GRID1: variants seen among roughly 807,000 people sequenced by gnomAD.
GRID1 encodes glutamate receptor ionotropic, delta-1.
GRID1 carries 28 observed loss-of-function variants against 98.0 expected under a neutral mutation model. That is an observed-to-expected ratio of 0.29 (90% CI 0.21 to 0.39). The LOEUF (loss-of-function observed/expected upper bound fraction) is 0.39. Ranked by LOEUF, GRID1 falls within the 10% of genes least tolerant of loss-of-function variation. The probability of loss-of-function intolerance (pLI) is 1.00; values close to 1 mark genes in which losing one functional copy is unlikely to be tolerated. For missense variants in GRID1, 1,111 were observed against 1,340.5 expected (o/e 0.83, Z 2.67); for synonymous variants, 553 against 538.5 (o/e 1.03, Z -0.37).
At chr10:85,730,225 C>G (rs1202601450) in intron 8 of GRID1, among the ~76,000 whole-genome samples, 1 of 152,186 alleles carries the variant, frequency 6.6e-6, no homozygotes, top group Non-Finnish European at 1.5e-5. Flanking sequence ...TTCTCTTAAG[C>G]CTGCAGAGTA....
chr10:86,247,093 G>C (rs957107940), intron 2 of GRID1, among the ~76,000 whole-genome samples: 1 of 152,272 alleles, frequency 6.6e-6, no homozygotes, highest in Non-Finnish European at 1.5e-5. Context: ...TGACTGGATA[G>C]ACTGATGGTC....
At chr10:86,201,279 G>A (rs1411814448) in intron 3 of GRID1, among the ~76,000 whole-genome samples, 1 of 152,160 alleles carries the variant, frequency 6.6e-6, no homozygotes, top group African/African-American at 2.4e-5. Flanking sequence ...ACCTAATGCT[G>A]AGTGAAAATT....
At chr10:86,107,514 G>A (rs1297320832) in intron 4 of GRID1, among the ~76,000 whole-genome samples, 1 of 152,240 alleles carries the variant, frequency 6.6e-6, no homozygotes, top group Non-Finnish European at 1.5e-5. Flanking sequence ...TGGGGGAAGG[G>A]AAGGGTGTGG....
At chr10:86,132,900 C>T (rs1844859818) in intron 4 of GRID1, among the ~76,000 whole-genome samples, 1 of 152,166 alleles carries the variant, frequency 6.6e-6, no homozygotes, top group African/African-American at 2.4e-5. Flanking sequence ...TTGGGAGTGG[C>T]CCCTTCCACC....
At chr10:86,037,715 AC>A (rs1193398276) in intron 4 of GRID1, among the ~76,000 whole-genome samples, 1 of 151,564 alleles carries the variant, frequency 6.6e-6, no homozygotes, top group African/African-American at 2.4e-5. Context: ...GGATGCATAC[AC>A]CAAAAAAAAA....
intron 10 of GRID1, among the ~76,000 whole-genome samples, chr10:85,726,244 T>C (rs746643272): frequency 2.0e-5 from 3 of 152,258 alleles, no homozygotes; most frequent in Non-Finnish European, 4.4e-5. Flanking sequence ...ATTTTTTTTT[T>C]TTTAGTTGGG....
chr10:85,908,821 C>T (rs1177409952), intron 5 of GRID1, among the ~76,000 whole-genome samples: 4 of 151,968 alleles, frequency 2.6e-5, no homozygotes, highest in Admixed American at 6.5e-5. Context: ...AAAAGAATGT[C>T]GGATTGGCAT....
At chr10:86,089,615 C>A (rs1479737533) in intron 4 of GRID1, among the ~76,000 whole-genome samples, 2 of 152,002 alleles carry the variant, frequency 1.3e-5, no homozygotes, top group Non-Finnish European at 2.9e-5. Context: ...TCATAAAGAA[C>A]AATCTGACAA....
At chr10:85,745,979 A>G (rs1590214702) in intron 8 of GRID1, among the ~76,000 whole-genome samples, 1 of 152,214 alleles carries the variant, frequency 6.6e-6, no homozygotes, top group East Asian at 1.9e-4. Context: ...TGAGACATGA[A>G]TAGCTGGATA....
intron 2 of GRID1, among the ~76,000 whole-genome samples, chr10:86,295,716 T>G (rs1032649275): frequency 2.0e-5 from 3 of 152,182 alleles, no homozygotes; most frequent in Non-Finnish European, 2.9e-5. Flanking sequence ...CCAGTGCTAC[T>G]GCAGTTCATA....
chr10:86,231,917 A>G (rs1238599814), intron 2 of GRID1, among the ~76,000 whole-genome samples: 2 of 152,178 alleles, frequency 1.3e-5, no homozygotes, highest in Non-Finnish European at 2.9e-5. Flanking sequence ...GGCACACAGA[A>G]CACACTCAAC....
At chr10:85,895,128 C>T (rs1380735303) in intron 5 of GRID1, among the ~76,000 whole-genome samples, 3 of 150,754 alleles carry the variant, frequency 2.0e-5, no homozygotes, top group Non-Finnish European at 4.4e-5. Flanking sequence ...TTGCACTAAC[C>T]GTTGGTCCTC....
chr10:85,829,167 T>A (rs1842845935), intron 8 of GRID1, among the ~76,000 whole-genome samples: 1 of 152,154 alleles, frequency 6.6e-6, no homozygotes, highest in Non-Finnish European at 1.5e-5. Flanking sequence ...TACAAATTAA[T>A]GTGATTCGTC....
chr10:85,676,302 C>T (rs1214601205), intron 12 of GRID1, among the ~76,000 whole-genome samples: 1 of 152,160 alleles, frequency 6.6e-6, no homozygotes, highest in Non-Finnish European at 1.5e-5. Flanking sequence ...AGCCCACAGC[C>T]AGCAACTGAC....
intron 2 of GRID1, among the ~76,000 whole-genome samples, chr10:86,232,667 T>G (rs1378087686): frequency 6.6e-6 from 1 of 152,244 alleles, no homozygotes; most frequent in Non-Finnish European, 1.5e-5. Context: ...GAATAGGGAA[T>G]GCTTTAGCAA....
chr10:86,307,520 G>A (rs769319756), intron 2 of GRID1, among the ~76,000 whole-genome samples: 1 of 152,152 alleles, frequency 6.6e-6, no homozygotes, highest in Non-Finnish European at 1.5e-5. Flanking sequence ...ATAGAAAGGT[G>A]GTTGCCAGGA....
At chr10:85,948,124 T>A (rs1033825360) in intron 4 of GRID1, among the ~76,000 whole-genome samples, 1 of 152,224 alleles carries the variant, frequency 6.6e-6, no homozygotes, top group African/African-American at 2.4e-5. Context: ...TAAATAGTAA[T>A]GTACCATTGT....
At chr10:85,753,400 C>G (rs1842066506) in intron 8 of GRID1, among the ~76,000 whole-genome samples, 2 of 152,148 alleles carry the variant, frequency 1.3e-5, no homozygotes, top group African/African-American at 4.8e-5. Context: ...AATGATTCGG[C>G]TGGTAAAGAG....
Position 85,774,766 on chromosome 10 carries a change from C to A in GRID1, c.1234-45152G>T, listed in dbSNP as rs1195627854. On this transcript the variant is annotated intron_variant, in intron 8 of 15. Transcript: ENST00000327946. The stretch of plus-strand genomic sequence containing the variant: ...GCCATCAGAGAAATGCAAATCAAAA[C>A]CACAATGAGATACCATCTCACACCA... 2.7e-5 allele frequency among the ~76,000 whole-genome samples: 4 copies of A among 149,852 alleles called. No individual in the cohort carries two copies. In the East Asian group the frequency reaches 7.9e-4, roughly 30 times the overall value.
Sources: allele counts gnomAD v4.1 joint callset (sites outside exome capture counted in the v4.1 genomes callset), GRCh38; gene constraint gnomAD v4.1.1; transcripts MANE v1.5; gene names NCBI Gene and HGNC (gene_info 2026-07-23, HGNC 2026-07-21).